Variants in GLIPR2 observed in about 807,000 individuals in gnomAD.
GLIPR2 encodes the protein Golgi-associated plant pathogenesis-related protein 1.
GLIPR2 carries 21 observed loss-of-function variants against 20.4 expected under a neutral mutation model. The observed-to-expected ratio is 1.03, with a 90% CI of 0.73 to 1.48. The LOEUF (loss-of-function observed/expected upper bound fraction) is 1.48, where lower values mean the gene tolerates loss of function less well. Among genes scored for constraint, GLIPR2 ranks in the 40% most tolerant of loss-of-function variants. GLIPR2 has a pLI of 0.00. For synonymous variants in GLIPR2, 91 were observed against 80.5 expected (o/e 1.13, Z -0.70); for missense variants, 205 against 200.1 (o/e 1.02, Z -0.15).
intron 3 of GLIPR2, among the ~76,000 whole-genome samples, chr9:36,149,403 C>T (rs964096220): frequency 7.2e-5 from 11 of 152,260 alleles, no homozygotes; most frequent in Non-Finnish European, 1.0e-4. Flanking sequence ...GCCAGGGCTC[C>T]TGTGCAACGT....
chr9:36,152,691 A>T (rs1587146585), intron 4 of GLIPR2, among the ~76,000 whole-genome samples: 1 of 136,206 alleles, frequency 7.3e-6, no homozygotes, highest in Non-Finnish European at 1.6e-5. Flanking sequence ...TGGAGGTTGC[A>T]GTGAGCCGAG....
At chr9:36,156,614 G>A (rs1825844932) in intron 4 of GLIPR2, among the ~76,000 whole-genome samples, 1 of 152,118 alleles carries the variant, frequency 6.6e-6, no homozygotes, top group Non-Finnish European at 1.5e-5. Context: ...ACCTGTATGG[G>A]CCCATGGCCT....
chr9:36,150,824 T>A, intron 3 of GLIPR2, 48 bp from the exon 4 acceptor site: 1 of 1,358,778 alleles, frequency 7.4e-7, no homozygotes, highest in Non-Finnish European at 1.0e-6. Flanking sequence ...GAATAGGGAG[T>A]GGGTGGATTT....
In GLIPR2 at chr9:36,163,037, C is replaced by T. The variant is rs1826130765; in HGVS notation, c.*515C>T. 1 of 378,032 alleles carries T rather than the reference C, an allele frequency of 2.6e-6. No homozygotes were observed. The highest frequency in any genetic ancestry group is 2.2e-5 in the African/African-American group (1 of 46,380). The allele number at this position is 378,032 out of a possible 1,614,324, so 23.4% of individuals were successfully genotyped here. A position where few individuals can be genotyped will look rare whatever the true frequency, so the allele number is the denominator to read the frequency against. ...GCTTCCATCAGGAACATGGAGCAGG[C>T]AGGGACTCCATTTTACAGAATTACT... On this transcript the variant is annotated 3_prime_UTR_variant, in exon 5 of 5. Coordinates refer to ENST00000377960, the MANE Select transcript of GLIPR2 (RefSeq NM_022343.4).
chr9:36,138,313 C>T (rs1195011387), intron 1 of GLIPR2, among the ~76,000 whole-genome samples: 1 of 152,182 alleles, frequency 6.6e-6, no homozygotes, highest in South Asian at 2.1e-4. Context: ...CAACCTCCGC[C>T]TCCCAGGTTC....
intron 1 of GLIPR2, among the ~76,000 whole-genome samples, chr9:36,146,887 C>T (rs537377783): frequency 1.2e-4 from 19 of 152,268 alleles, no homozygotes; most frequent in Non-Finnish European, 2.2e-4. Context: ...CGTTACATGC[C>T]GGTAGCTCCA....
In GLIPR2 at chr9:36,149,794, G is replaced by A. The variant is rs1423194307; in HGVS notation, c.227-1078G>A. ...TGCAATCCCAGCACTTTGGGAGGCC[G>A]AGGTGGGTGGATCACCTGAGGTCAG... On this transcript the variant is annotated intron_variant, in intron 3 of 4. Coordinates refer to ENST00000377960, the MANE Select transcript of GLIPR2 (RefSeq NM_022343.4). 3.9e-5 allele frequency among the ~76,000 whole-genome samples: 6 copies of A among 152,200 alleles called. No individual in the cohort carries two copies. The East Asian group carries it at 7.7e-4, about 20-fold the overall frequency.
At chr9:36,136,646 T>G (rs1451415308), upstream of GLIPR2, 12 of 621,936 alleles carry the variant, frequency 1.9e-5, no homozygotes, top group Admixed American at 4.6e-5. The surrounding 1 kb of genome is among the most constrained non-coding windows in gnomAD (Gnocchi z 4.3). Flanking sequence ...TGTCGCTCCT[T>G]ATAAGGCGGG....
intron 1 of GLIPR2, among the ~76,000 whole-genome samples, chr9:36,141,640 C>A (rs980789357): frequency 1.3e-5 from 2 of 152,062 alleles, no homozygotes; most frequent in Admixed American, 6.5e-5. Flanking sequence ...GGGGCATAGA[C>A]CTCCTCAGAA....
At chr9:36,156,409 A>T (rs996175692) in intron 4 of GLIPR2, among the ~76,000 whole-genome samples, 6 of 149,942 alleles carry the variant, frequency 4.0e-5, no homozygotes, top group Non-Finnish European at 7.4e-5. Flanking sequence ...AAAAAAAAAA[A>T]AAAGAAATTG....
intron 4 of GLIPR2, among the ~76,000 whole-genome samples, chr9:36,159,974 A>G (rs1452683610): frequency 6.6e-6 from 1 of 152,180 alleles, no homozygotes; most frequent in Admixed American, 6.5e-5. Context: ...AAAAATAAAT[A>G]AATAAATAAA....
At position 36,162,584 on chromosome 9, in the gene GLIPR2, A is replaced by G. The variant is rs749669381; in HGVS notation, c.*62A>G. 32 of 1,536,174 alleles carry G rather than the reference A, an allele frequency of 2.1e-5. No individual in the cohort carries two copies. The East Asian group carries it at 7.4e-4, about 36-fold the overall frequency. On this transcript the variant is annotated 3_prime_UTR_variant, in exon 5 of 5. Coordinates refer to ENST00000377960, the MANE Select transcript of GLIPR2 (RefSeq NM_022343.4). ...ACGTGGATATGAAGTGCCTAGAACC[A>G]CCACAACCTGGCTGTGCGTCTGTCC...
chr9:36,142,107 G>A (rs1052782848), intron 1 of GLIPR2, among the ~76,000 whole-genome samples: 2 of 152,164 alleles, frequency 1.3e-5, no homozygotes, highest in South Asian at 2.1e-4. Flanking sequence ...CTGGAAAAGC[G>A]CTTGGCACAG....
chr9:36,141,226 C>T (rs1356796872), intron 1 of GLIPR2, among the ~76,000 whole-genome samples: 1 of 152,130 alleles, frequency 6.6e-6, no homozygotes, highest in African/African-American at 2.4e-5. Flanking sequence ...AAAGGAGGCA[C>T]AGAGTGTTGA....
At chr9:36,152,055 C>G (rs889929786) in intron 4 of GLIPR2, among the ~76,000 whole-genome samples, 1 of 152,176 alleles carries the variant, frequency 6.6e-6, no homozygotes, top group Non-Finnish European at 1.5e-5. Flanking sequence ...GTTTGCTGCC[C>G]GCCCTTCTGG....
rs146242767 is a variant in GLIPR2, at chr9:36,162,543, G to A, written c.*21G>A. 373 of 1,613,312 alleles carry A rather than the reference G, an allele frequency of 2.3e-4. No homozygotes were observed. In the African/African-American group the frequency reaches 4.3e-3, roughly 19 times the overall value. On this transcript the variant is annotated 3_prime_UTR_variant, in exon 5 of 5. Transcript: ENST00000377960. ...AGTAACTTGTTAAATGTAATGGGAAGGTGGCAGACTTAAGAACGTGGATAT... is the reference window on the plus strand; with the variant it reads ...AGTAACTTGTTAAATGTAATGGGAAAGTGGCAGACTTAAGAACGTGGATAT...
chr9:36,138,474 C>T (rs10972755), intron 1 of GLIPR2, among the ~76,000 whole-genome samples: 12,406 of 152,228 alleles, frequency 0.081, 607 homozygotes, highest in East Asian at 0.16. Context: ...CTGCCTGCCT[C>T]AGCCTCCCAA....
intron 1 of GLIPR2, among the ~76,000 whole-genome samples, chr9:36,143,494 TG>T (rs1172279565): frequency 1.3e-5 from 2 of 152,184 alleles, no homozygotes; most frequent in Non-Finnish European, 2.9e-5. Flanking sequence ...GACTTTAGGA[TG>T]GGCCTGGACA....
At chr9:36,153,726 C>T (rs1825703458) in intron 4 of GLIPR2, among the ~76,000 whole-genome samples, 1 of 151,928 alleles carries the variant, frequency 6.6e-6, no homozygotes, top group African/African-American at 2.4e-5. Context: ...CATGGTGAAA[C>T]CCCGTCTCTA....
Sources: allele counts gnomAD v4.1 joint callset (sites outside exome capture counted in the v4.1 genomes callset), GRCh38; gene constraint gnomAD v4.1.1; non-coding constraint Gnocchi (gnomAD v3.1); transcripts MANE v1.5; gene names NCBI Gene and HGNC (gene_info 2026-07-23, HGNC 2026-07-21).